TENM3: variants seen among roughly 807,000 people sequenced by gnomAD.
TENM3 encodes the protein teneurin transmembrane protein 3, also known as teneurin-3.
In TENM3, 63 loss-of-function variants were observed where a neutral mutation model predicts 255.1. The ratio of observed to expected loss-of-function variants is 0.25; its 90% CI spans 0.20 to 0.30. The LOEUF is 0.30. Among genes scored for constraint, TENM3 ranks in the 10% least tolerant of loss-of-function variants. The probability of loss-of-function intolerance (pLI) is 1.00; values close to 1 mark genes in which losing one functional copy is unlikely to be tolerated. For missense variants in TENM3, 2,929 were observed against 3,461.1 expected (o/e 0.85, Z 3.86); for synonymous variants, 1,306 against 1,322.3 (o/e 0.99, Z 0.27).
chr4:182,788,838 T>C (rs1765882809), intron 24 of TENM3, among the ~76,000 whole-genome samples: 1 of 152,248 alleles, frequency 6.6e-6, no homozygotes, highest in Non-Finnish European at 1.5e-5. Context: ...TACATTTTGG[T>C]ATTTTTCTTA....
the TENM3 span, chr4:181,905,880 CTCT>C: frequency 2.0e-6 from 1 of 495,244 alleles, no homozygotes; most frequent in Non-Finnish European, 3.8e-6. Context: ...ACAGCCTTTC[CTCT>C]TCTTCATAAT....
chr4:182,095,544 G>C, the TENM3 span, among the ~76,000 whole-genome samples: 1 of 152,160 alleles, frequency 6.6e-6, no homozygotes, highest in African/African-American at 2.4e-5. Flanking sequence ...GGCTGGGAAG[G>C]GTAGTGGGGA....
chr4:181,956,339 C>A, the TENM3 span, among the ~76,000 whole-genome samples: 1 of 152,164 alleles, frequency 6.6e-6, no homozygotes, highest in Non-Finnish European at 1.5e-5. Flanking sequence ...AGCAACAATT[C>A]ATACTCTCAG....
the TENM3 span, among the ~76,000 whole-genome samples, chr4:181,577,166 A>G: frequency 1.5e-5 from 2 of 132,826 alleles, no homozygotes; most frequent in Non-Finnish European, 3.1e-5. Flanking sequence ...TATAAATAAT[A>G]TATATTATAT....
chr4:181,979,133 T>TG, the TENM3 span, among the ~76,000 whole-genome samples: 4 of 110,202 alleles, frequency 3.6e-5, no homozygotes, highest in African/African-American at 1.4e-4. Context: ...TATATATATA[T>TG]ATATATATAT....
In TENM3 at chr4:182,793,334, G is replaced by A. The variant is rs1427602220; in HGVS notation, c.6662G>A (p.Ser2221Asn). 6.2e-7 allele frequency: 1 copy of A among 1,613,798 alleles called. No homozygotes were observed. Among genetic ancestry groups the A allele is most frequent in the Non-Finnish European group, 8.5e-7 (1 of 1,179,738 alleles). Reference sequence around the variant, plus strand: ...CTAACTCGAGTTTACAGTAAAGGCAGTGGCTGGACAGTGATCTACCGTTAT... The same window carrying A: ...CTAACTCGAGTTTACAGTAAAGGCAATGGCTGGACAGTGATCTACCGTTAT... ...GLLTRVYSKG[S>N]GWTVIYRYDG... The change falls in exon 26 of 28, where the codon AGT (serine) becomes AAT (asparagine). Residue 2221 changes from serine (S) to asparagine (N), a missense_variant. By Grantham distance (46) the Ser-to-Asn change is conservative. This residue lies in a region of TENM3 where 256 missense variants were observed against 389.3 expected (regional missense o/e 0.66). Transcript: ENST00000511685. The surrounding 1 kb of genome is among the most constrained non-coding windows in gnomAD (Gnocchi z 5.7).
At chr4:182,336,809 T>G (rs1399355221) in intron 2 of TENM3, among the ~76,000 whole-genome samples, 1 of 152,178 alleles carries the variant, frequency 6.6e-6, no homozygotes, top group East Asian at 1.9e-4. Flanking sequence ...CTTTTCCATT[T>G]TTCTCCTTGG....
chr4:182,404,864 A>C (rs2151047967), intron 3 of TENM3, among the ~76,000 whole-genome samples: 1 of 152,340 alleles, frequency 6.6e-6, no homozygotes, highest in Middle Eastern at 3.4e-3. Flanking sequence ...AGCTGAGGAC[A>C]AGGCCAAGGT....
intron 1 of TENM3, among the ~76,000 whole-genome samples, chr4:182,251,261 C>T (rs1245141535): frequency 6.6e-6 from 1 of 152,120 alleles, no homozygotes; most frequent in Non-Finnish European, 1.5e-5. Context: ...GGTGAGGCCA[C>T]GAGTTCCAGA....
chr4:181,717,472 C>G, the TENM3 span, among the ~76,000 whole-genome samples: 1 of 152,110 alleles, frequency 6.6e-6, no homozygotes, highest in African/African-American at 2.4e-5. Flanking sequence ...TGTAAGTAAA[C>G]CAGATAATAG....
At chr4:181,656,945 C>T in the TENM3 span, among the ~76,000 whole-genome samples, 81 of 152,226 alleles carry the variant, frequency 5.3e-4, 1 homozygote, top group Non-Finnish European at 4.4e-5. Context: ...AATGTTTCAT[C>T]TTGGCCTCTA....
chr4:182,251,795 A>G (rs1318534887), intron 1 of TENM3, among the ~76,000 whole-genome samples: 1 of 152,224 alleles, frequency 6.6e-6, no homozygotes, highest in Non-Finnish European at 1.5e-5. Context: ...TGCACAGAAC[A>G]TAAAATTCTT....
At chr4:182,219,860 G>T (rs540653687) in intron 1 of TENM3, among the ~76,000 whole-genome samples, 15 of 152,266 alleles carry the variant, frequency 9.9e-5, no homozygotes, top group African/African-American at 3.1e-4. Flanking sequence ...TAAGGGGAAG[G>T]CAAATCACCT....
At chr4:182,160,627 A>G (rs12640278) in intron 1 of TENM3, among the ~76,000 whole-genome samples, 27,902 of 152,160 alleles carry the variant, frequency 0.18, 2,750 homozygotes, top group East Asian at 0.38. Context: ...CACATGTGAA[A>G]TCTAAAAAAG....
intron 2 of TENM3, among the ~76,000 whole-genome samples, chr4:182,332,719 A>AAAAAAG (rs1561331499): frequency 6.6e-6 from 1 of 151,964 alleles, no homozygotes; most frequent in Non-Finnish European, 1.5e-5. Context: ...AAAAAAAAAA[A>AAAAAAG]AAGACAAGAA....
chr4:182,792,637 T>G lies in TENM3; in HGVS notation c.5965T>G (p.Cys1989Gly). Residue 1989 changes from cysteine to glycine, a missense_variant, in exon 26 of 28, where the codon TGC becomes GGC. This residue lies in a region of TENM3 where 303 missense variants were observed against 425.2 expected (regional missense o/e 0.71). Transcript: ENST00000511685. This position sits in a 1 kb window ranked among gnomAD's most constrained non-coding sequence, Gnocchi z 6.3. The part of the protein sequence containing the change: ...TVNLQSDGFI[C>G]TIRYRQIGPL... ...AAACCTCCAGAGTGATGGTTTTATT[T>G]GCACCATTAGATACAGGCAAATTGG... 6.2e-7 allele frequency: 1 copy of G among 1,614,020 alleles called. No homozygotes were observed. The highest frequency in any genetic ancestry group is 8.5e-7 in the Non-Finnish European group (1 of 1,179,892).
At chr4:182,576,008 G>A (rs570685141) in intron 3 of TENM3, among the ~76,000 whole-genome samples, 6 of 152,304 alleles carry the variant, frequency 3.9e-5, no homozygotes, top group African/African-American at 1.4e-4. Context: ...GTGGGATTAA[G>A]CATGACCTTA....
chr4:182,230,551 T>A (rs1049189102), intron 1 of TENM3, among the ~76,000 whole-genome samples: 1 of 151,946 alleles, frequency 6.6e-6, no homozygotes, highest in African/African-American at 2.4e-5. Flanking sequence ...CAGTCACTGC[T>A]GTCACAGCGC....
At chr4:182,114,980 G>A in the TENM3 span, among the ~76,000 whole-genome samples, 279 of 152,124 alleles carry the variant, frequency 1.8e-3, 2 homozygotes, top group African/African-American at 6.3e-3. Context: ...TCAGGAGTTC[G>A]AGATCAGCCT....
Sources: gnomAD v4.1 joint callset for allele counts (sites outside exome capture counted in the v4.1 genomes callset) on GRCh38, gnomAD v4.1.1 for gene constraint, gnomAD v4.1.1 regional missense constraint, Gnocchi (gnomAD v3.1) non-coding constraint, MANE v1.5 for transcripts, NCBI Gene and HGNC (gene_info 2026-07-23, HGNC 2026-07-21) for gene names.